Variants in TECPR2 observed in about 807,000 individuals in gnomAD.
TECPR2 encodes tectonin beta-propeller repeat-containing protein 2.
In TECPR2, 65 loss-of-function variants were observed where a neutral mutation model predicts 138.1. The ratio of observed to expected loss-of-function variants is 0.47; its 90% CI spans 0.39 to 0.58. The LOEUF is 0.58. Among genes scored for constraint, TECPR2 ranks in the 20% least tolerant of loss-of-function variants. The probability of loss-of-function intolerance (pLI) is 0.00; values close to 1 mark genes in which losing one functional copy is unlikely to be tolerated. For synonymous variants in TECPR2, 746 were observed against 749.8 expected (o/e 0.99, Z 0.08); for missense variants, 1,553 against 1,824.5 (o/e 0.85, Z 2.71).
chr14:102,411,238 A>C (rs1201977992), intron 4 of TECPR2, among the ~76,000 whole-genome samples: 4 of 152,264 alleles, frequency 2.6e-5, no homozygotes, highest in Non-Finnish European at 5.9e-5. Flanking sequence ...CCGCCCCAAC[A>C]TTTCAACACC....
intron 2 of TECPR2, among the ~76,000 whole-genome samples, chr14:102,389,503 T>G (rs1597777658): frequency 6.6e-6 from 1 of 152,120 alleles, no homozygotes; most frequent in Non-Finnish European, 1.5e-5. Context: ...AAAAGATACA[T>G]AGATCACTGG....
chr14:102,411,145 C>G (rs1269418933), intron 4 of TECPR2, among the ~76,000 whole-genome samples: 1 of 152,264 alleles, frequency 6.6e-6, no homozygotes, highest in East Asian at 1.9e-4. Flanking sequence ...ACTCTATGTT[C>G]CCACGCCGCC....
chr14:102,498,721 T>C lies in TECPR2; in HGVS notation c.*464T>C, dbSNP rs1891360780. On this transcript the variant is annotated 3_prime_UTR_variant, in exon 20 of 20. Transcript: ENST00000359520. ...CGCGGGATGTGCTCGGTGATGGCTT[T>C]GTCCCATCATAGGGGGGTGTCCCCC... The C allele has an allele frequency of 4.6e-6, 2 of 438,182 alleles. No homozygotes were observed. The highest frequency in any genetic ancestry group is 5.4e-5 in the Admixed American group (2 of 36,892). The allele number at this position is 438,182 out of a possible 1,614,324, so 27.1% of individuals were successfully genotyped here.
intron 17 of TECPR2, among the ~76,000 whole-genome samples, chr14:102,471,236 G>A (rs1440489272): frequency 6.6e-6 from 1 of 152,152 alleles, no homozygotes; most frequent in Non-Finnish European, 1.5e-5. Flanking sequence ...ACAGGTGTGA[G>A]CCACTGCACC....
At chr14:102,405,601 A>G (rs1888637486) in intron 2 of TECPR2, among the ~76,000 whole-genome samples, 1 of 152,200 alleles carries the variant, frequency 6.6e-6, no homozygotes. Flanking sequence ...CAATACTAGA[A>G]AACAGTATGG....
At chr14:102,455,009 A>G (rs532044930) in intron 16 of TECPR2, among the ~76,000 whole-genome samples, 1 of 152,272 alleles carries the variant, frequency 6.6e-6, no homozygotes, top group East Asian at 1.9e-4. Context: ...TAGCTGGCCA[A>G]AGTGGTGCAG....
chr14:102,428,754 C>T (rs1005939404), intron 7 of TECPR2, among the ~76,000 whole-genome samples: 32 of 152,220 alleles, frequency 2.1e-4, no homozygotes, highest in South Asian at 1.9e-3. Flanking sequence ...AGAGTGAGAC[C>T]TCATCTCAAA....
chr14:102,374,370 T>C (rs1465231382), intron 1 of TECPR2, among the ~76,000 whole-genome samples: 14 of 152,182 alleles, frequency 9.2e-5, no homozygotes, highest in Non-Finnish European at 2.1e-4. Flanking sequence ...TTCCTTTTAT[T>C]TATTTATTCA....
intron 5 of TECPR2, 58 bp from the exon 6 acceptor site, chr14:102,424,921 T>A (rs1889274302): frequency 1.3e-6 from 2 of 1,494,354 alleles, no homozygotes; most frequent in Admixed American, 4.2e-5. Context: ...GACAACTGCA[T>A]TACTTTAAAT....
chr14:102,497,536 G>C (rs1173597429), intron 18 of TECPR2, 34 bp from the exon 19 acceptor site: 6 of 1,502,808 alleles, frequency 4.0e-6, no homozygotes, highest in African/African-American at 1.4e-5. Context: ...CCCGTCCATG[G>C]CAGGGGCTCA....
At chr14:102,437,973 A>G (rs756786075) in intron 9 of TECPR2, 49 bp from the exon 10 acceptor site, 5 of 1,586,546 alleles carry the variant, frequency 3.2e-6, no homozygotes, top group Non-Finnish European at 4.3e-6. Context: ...AGTAAGCCAA[A>G]TGTGGCTGTG....
At chr14:102,392,543 G>A (rs1009757627) in intron 2 of TECPR2, among the ~76,000 whole-genome samples, 3 of 151,742 alleles carry the variant, frequency 2.0e-5, no homozygotes, top group African/African-American at 7.3e-5. Flanking sequence ...TTACATTTCA[G>A]TTTCCTGTTT....
intron 2 of TECPR2, among the ~76,000 whole-genome samples, chr14:102,403,418 T>A (rs944010000): frequency 1.3e-5 from 2 of 152,134 alleles, no homozygotes; most frequent in East Asian, 3.8e-4. Flanking sequence ...AGTGAACAAT[T>A]ATACTTAATG....
chr14:102,415,528 G>A lies in TECPR2; in HGVS notation c.638+735G>A, dbSNP rs1889000063. Among the ~76,000 whole-genome samples, 1 of 152,120 alleles carries A rather than the reference G, an allele frequency of 6.6e-6. No homozygotes were observed. Among genetic ancestry groups the A allele is most frequent in the South Asian group, 2.1e-4 (1 of 4,828 alleles). On this transcript the variant is annotated intron_variant, in intron 5 of 19. Transcript: ENST00000359520. This position sits in a 1 kb window ranked among gnomAD's most constrained non-coding sequence, Gnocchi z 4.3. ...TCATCATCCCACCCTAGCCTGTAAA[G>A]CACTCTTGTAGGACTCTGCAGCGAG...
chr14:102,384,347 A>G (rs1052011805), intron 2 of TECPR2, among the ~76,000 whole-genome samples: 1 of 151,440 alleles, frequency 6.6e-6, no homozygotes, highest in Non-Finnish European at 1.5e-5. Flanking sequence ...GCTTCCACTC[A>G]TGGTGGGAAT....
intron 17 of TECPR2, among the ~76,000 whole-genome samples, chr14:102,483,199 T>C (rs1890933272): frequency 6.6e-6 from 1 of 152,080 alleles, no homozygotes; most frequent in Non-Finnish European, 1.5e-5. Flanking sequence ...TGTTTTTCTT[T>C]CTGAAAGTTT....
chr14:102,453,163 G>A (rs1023307251), intron 16 of TECPR2, among the ~76,000 whole-genome samples: 1 of 152,154 alleles, frequency 6.6e-6, no homozygotes, highest in African/African-American at 2.4e-5. Context: ...AAAAGCCGTG[G>A]AGTAGGCTAA....
intron 17 of TECPR2, among the ~76,000 whole-genome samples, chr14:102,480,148 C>T (rs1239352819): frequency 2.0e-5 from 3 of 151,990 alleles, no homozygotes; most frequent in African/African-American, 7.2e-5. Flanking sequence ...AATGTCCAGG[C>T]CTCGGCCCTC....
At chr14:102,439,022 C>T (rs928860509) in intron 10 of TECPR2, among the ~76,000 whole-genome samples, 7 of 152,158 alleles carry the variant, frequency 4.6e-5, no homozygotes, top group Non-Finnish European at 1.0e-4. Flanking sequence ...CCACCACGCC[C>T]AGCTAATTTT....
Sources: allele counts gnomAD v4.1 joint callset (sites outside exome capture counted in the v4.1 genomes callset), GRCh38; gene constraint gnomAD v4.1.1; non-coding constraint Gnocchi (gnomAD v3.1); transcripts MANE v1.5; gene names NCBI Gene and HGNC (gene_info 2026-07-23, HGNC 2026-07-21).